Variants in MYH11 observed in about 807,000 individuals in gnomAD.
The protein encoded by MYH11 is myosin heavy chain 11, also known as myosin-11.
A neutral mutation model predicts 246.6 loss-of-function variants in MYH11; 80 were observed. That is an observed-to-expected ratio of 0.32 (90% confidence interval 0.27 to 0.39). The LOEUF (loss-of-function observed/expected upper bound fraction) is 0.39. Ranked by LOEUF, MYH11 falls within the 10% of genes least tolerant of loss-of-function variation. The pLI is 1.00. For synonymous variants in MYH11, 1,071 were observed against 1,015.5 expected (o/e 1.05, Z -1.04); for missense variants, 2,158 against 2,546.8 (o/e 0.85, Z 3.29).
At chr16:15,788,747 C>T (rs560271686) in intron 4 of MYH11, among the ~76,000 whole-genome samples, 2 of 151,396 alleles carry the variant, frequency 1.3e-5, no homozygotes, top group Admixed American at 6.6e-5. Context: ...AAATGGGGAC[C>T]ATGAAGGCAT....
chr16:15,766,187 G>T (rs2041975983), intron 9 of MYH11, among the ~76,000 whole-genome samples: 1 of 152,154 alleles, frequency 6.6e-6, no homozygotes, highest in East Asian at 1.9e-4. Context: ...AACTAATGAG[G>T]ACTGTGGGGA....
At chr16:15,747,109 AAAGG>A (rs780355094) in intron 19 of MYH11, among the ~76,000 whole-genome samples, 97 of 152,108 alleles carry the variant, frequency 6.4e-4, no homozygotes, top group African/African-American at 2.0e-3. Flanking sequence ...AAGGAAGAAG[AAAGG>A]AAGGAAGGAA....
chr16:15,777,570 G>C (rs1020671354), intron 7 of MYH11, among the ~76,000 whole-genome samples: 6 of 152,190 alleles, frequency 3.9e-5, no homozygotes, highest in African/African-American at 1.4e-4. Flanking sequence ...ATGAATTGCT[G>C]AGAGGTGTGT....
At position 15,797,482 on chromosome 16, in the gene MYH11, A is replaced by G. The variant is rs1036390552; in HGVS notation, c.530+1178T>C. ...TTTGTAGTGGCTACCTGGAAATGCT[A>G]TATTTTATTTAAATAACCTCTGTTG... On this transcript the variant is annotated intron_variant, in intron 4 of 40. Transcript: ENST00000300036. Among the ~76,000 whole-genome samples the G allele has an allele frequency of 3.3e-5, 5 of 151,124 alleles. No homozygotes were observed. The East Asian group carries it at 9.6e-4, about 29-fold the overall frequency.
rs148743922 is a variant in MYH11 at position 15,715,181 on chromosome 16, C to T, written c.5596G>A (p.Glu1866Lys). The T allele has an allele frequency of 2.1e-5, 34 of 1,613,808 alleles. No individual in the cohort carries two copies. Among genetic ancestry groups the T allele is most frequent in the South Asian group, 1.1e-4 (10 of 91,084 alleles). Residue 1866 changes from glutamate (E) to lysine (K), a missense_variant, in exon 39 of 41, where the codon GAG becomes AAG. Transcript: ENST00000300036. ...GGGGCTACCTGCTCCTTGTACTGCT[C>T]GGCCATCTTGCGCTCGTCCTCCACC... is the stretch of plus-strand genomic sequence containing the variant. ...LQVEDERKMA[E>K]QYKEQAEKGN...
intron 4 of MYH11, among the ~76,000 whole-genome samples, chr16:15,789,819 G>A (rs951116591): frequency 1.3e-5 from 2 of 152,336 alleles, no homozygotes; most frequent in Admixed American, 6.5e-5. Context: ...AACCACTTGC[G>A]TAGGTGGTCA....
At chr16:15,764,500 A>C (rs1402469929) in intron 9 of MYH11, among the ~76,000 whole-genome samples, 1 of 152,132 alleles carries the variant, frequency 6.6e-6, no homozygotes, top group Non-Finnish European at 1.5e-5. Context: ...AAACCCTGAC[A>C]TATCTTCCAG....
chr16:15,711,525 T>A (rs1192370781), intron 40 of MYH11, among the ~76,000 whole-genome samples: 1 of 152,202 alleles, frequency 6.6e-6, no homozygotes, highest in Non-Finnish European at 1.5e-5. Context: ...GGAGGTATGT[T>A]TATTTGCCGT....
At chr16:15,792,603 C>T (rs551723704) in intron 4 of MYH11, 1 of 152,282 alleles carries the variant, frequency 6.6e-6, no homozygotes, top group African/African-American at 2.4e-5. Context: ...GTGGGTGCGG[C>T]TGTGTTTCAA....
chr16:15,723,665 G>A (rs2040599762), intron 31 of MYH11, among the ~76,000 whole-genome samples: 1 of 152,064 alleles, frequency 6.6e-6, no homozygotes, highest in African/African-American at 2.4e-5. Context: ...ATCTGATAAA[G>A]TTCATATAAT....
At chr16:15,828,999 C>T (rs528675119) in intron 2 of MYH11, among the ~76,000 whole-genome samples, 3 of 152,030 alleles carry the variant, frequency 2.0e-5, no homozygotes, top group South Asian at 2.1e-4. Flanking sequence ...GCCTGGCTAA[C>T]ATGGCAAAAC....
At chr16:15,747,369 C>T (rs1322711884) in intron 19 of MYH11, among the ~76,000 whole-genome samples, 1 of 152,156 alleles carries the variant, frequency 6.6e-6, no homozygotes, top group Admixed American at 6.5e-5. Flanking sequence ...GAACCCAGGT[C>T]TAAAACTCGT....
intron 4 of MYH11, among the ~76,000 whole-genome samples, chr16:15,795,852 G>C (rs79812418): frequency 6.6e-6 from 1 of 152,200 alleles, no homozygotes; most frequent in Non-Finnish European, 1.5e-5. Flanking sequence ...GCTCAGAGAA[G>C]TGAACTGACT....
Position 15,855,128 on chromosome 16 carries a change from C to T in MYH11, c.-18+1813G>A, listed in dbSNP as rs191604351. Among the ~76,000 whole-genome samples the T allele has an allele frequency of 9.2e-5, 14 of 152,194 alleles. No homozygotes were observed. The East Asian group carries it at 2.5e-3, about 27-fold the overall frequency. On this transcript the variant is annotated intron_variant, in intron 1 of 40. Transcript: ENST00000300036. ...ACAAATCCATAACAGATACCTTGTA[C>T]GGAATAACACATCTATTTCGGACAT... is the stretch of plus-strand genomic sequence containing the variant.
chr16:15,752,329 A>G (rs1344272354), intron 15 of MYH11, among the ~76,000 whole-genome samples: 1 of 152,044 alleles, frequency 6.6e-6, no homozygotes, highest in East Asian at 1.9e-4. Context: ...CCCCAGGCCC[A>G]TGGGCCCTGT....
chr16:15,855,657 CG>C (rs1567223143), intron 1 of MYH11, among the ~76,000 whole-genome samples: 4 of 152,174 alleles, frequency 2.6e-5, no homozygotes, highest in Admixed American at 2.6e-4. Flanking sequence ...GTTCCATCAA[CG>C]GTAGCTATCT....
In MYH11 at chr16:15,725,315, T is replaced by A. The variant is rs2040699736; in HGVS notation, c.3859-323A>T. On this transcript the variant is annotated intron_variant, in intron 28 of 40. Transcript: ENST00000300036. ...AATGGATCCTAGATCCCTGCCAAGG[T>A]TGGTAGAGACAAAGCAGCAGGTCTG... 1 of 565,362 alleles carries A rather than the reference T, an allele frequency of 1.8e-6. No homozygotes were observed. Among genetic ancestry groups the A allele is most frequent in the East Asian group, 3.0e-5 (1 of 33,260 alleles). 35.0% of individuals were successfully genotyped at this position (565,362 alleles called of 1,614,324 possible). A position where few individuals can be genotyped will look rare whatever the true frequency, so the allele number is the denominator to read the frequency against.
chr16:15,748,054 G>A lies in MYH11; in HGVS notation c.2173C>T (p.Arg725Cys), dbSNP rs373251357. Residue 725 changes from arginine to cysteine, a missense_variant, in exon 17 of 41, where the codon CGC becomes TGC. Coordinates refer to ENST00000300036, the MANE Select transcript of MYH11 (RefSeq NM_002474.3). ...CCAGACCTTGGGACTTACCGTTGGC[G>A]GAACTCCTGGAAGACGATCCGGTTG... ...FPNRIVFQEF[R>C]QRYEILAANA... 17 of 1,614,080 alleles carry A rather than the reference G, an allele frequency of 1.1e-5. No homozygotes were observed. Among genetic ancestry groups the A allele is most frequent in the South Asian group, 5.5e-5 (5 of 91,088 alleles).
intron 15 of MYH11, among the ~76,000 whole-genome samples, chr16:15,751,149 TA>T (rs1305148445): frequency 1.6e-5 from 2 of 127,040 alleles, no homozygotes; most frequent in East Asian, 2.0e-4. Flanking sequence ...TTATTATTAT[TA>T]TTATTATTAT....
Sources: allele counts gnomAD v4.1 joint callset (sites outside exome capture counted in the v4.1 genomes callset), GRCh38; gene constraint gnomAD v4.1.1; transcripts MANE v1.5; gene names NCBI Gene and HGNC (gene_info 2026-07-23, HGNC 2026-07-21).